CCSER1: variants seen among roughly 807,000 people sequenced by gnomAD.
CCSER1 encodes the protein serine-rich coiled-coil domain-containing protein 1.
In CCSER1, 41 loss-of-function variants were observed where a neutral mutation model predicts 82.0. The ratio of observed to expected loss-of-function variants is 0.50; its 90% CI spans 0.39 to 0.65. The LOEUF is 0.65. Ranked by LOEUF, CCSER1 falls within the 30% of genes least tolerant of loss-of-function variation. The pLI is 0.00. For synonymous variants in CCSER1, 414 were observed against 383.9 expected (o/e 1.08, Z -0.92); for missense variants, 1,119 against 1,064.2 (o/e 1.05, Z -0.72).
At chr4:90,210,648 C>T (rs1739804747) in intron 1 of CCSER1, among the ~76,000 whole-genome samples, 1 of 151,980 alleles carries the variant, frequency 6.6e-6, no homozygotes, top group Admixed American at 6.6e-5. Context: ...TCTCCCTATA[C>T]TTCCCAGGCT....
At position 91,037,941 on chromosome 4, in the gene CCSER1, T is replaced by A. The variant is rs189872432; in HGVS notation, c.2173-48009T>A. Among the ~76,000 whole-genome samples, 1,225 of 152,294 alleles carry A rather than the reference T, an allele frequency of 8.0e-3. 7 individuals are homozygous for A. The highest frequency in any genetic ancestry group is 9.6e-3 in the Non-Finnish European group (656 of 68,014). On this transcript the variant is annotated intron_variant, in intron 9 of 10. Coordinates refer to ENST00000509176, the MANE Select transcript of CCSER1 (RefSeq NM_001145065.2). The stretch of plus-strand genomic sequence containing the variant: ...TAGTAAAAATATGAAAAATTTTTTT[T>A]CTTAAACTATTCTGTATACATATCA...
At chr4:90,918,887 A>G (rs1181835201) in intron 8 of CCSER1, among the ~76,000 whole-genome samples, 3 of 151,816 alleles carry the variant, frequency 2.0e-5, no homozygotes, top group Non-Finnish European at 4.4e-5. Flanking sequence ...AAAGGATTTC[A>G]TGCCTTTTCA....
intron 8 of CCSER1, among the ~76,000 whole-genome samples, chr4:90,903,154 G>A (rs1165216397): frequency 6.6e-6 from 1 of 152,018 alleles, no homozygotes; most frequent in African/African-American, 2.4e-5. Flanking sequence ...ATATGGTTTG[G>A]CTGTGTCCCT....
At chr4:90,748,688 T>C (rs1417705915) in intron 7 of CCSER1, among the ~76,000 whole-genome samples, 2 of 146,596 alleles carry the variant, frequency 1.4e-5, no homozygotes, top group Non-Finnish European at 3.0e-5. Context: ...CCACATCCTC[T>C]CCAGCACCTG....
At chr4:90,915,143 G>C (rs1030250243) in intron 8 of CCSER1, among the ~76,000 whole-genome samples, 6 of 152,124 alleles carry the variant, frequency 3.9e-5, no homozygotes, top group African/African-American at 7.2e-5. Flanking sequence ...GAAAAAGAGG[G>C]AATCCTCCCT....
At chr4:91,183,723 G>GA (rs1462866016) in intron 10 of CCSER1, among the ~76,000 whole-genome samples, 1 of 152,138 alleles carries the variant, frequency 6.6e-6, no homozygotes, top group Non-Finnish European at 1.5e-5. Context: ...ATGCTGAGTT[G>GA]AAAAAATTAG....
At chr4:91,030,752 A>T (rs971753399) in intron 9 of CCSER1, among the ~76,000 whole-genome samples, 1 of 152,066 alleles carries the variant, frequency 6.6e-6, no homozygotes, top group Admixed American at 6.6e-5. Context: ...AAAAAAAAGA[A>T]CCAAATGGAG....
chr4:90,825,572 G>A (rs75411829), intron 8 of CCSER1, among the ~76,000 whole-genome samples: 9,041 of 151,944 alleles, frequency 0.06, 525 homozygotes, highest in African/African-American at 0.16. Context: ...TAACTGGGCC[G>A]TCAAAAACAA....
chr4:90,940,788 A>T (rs1731498672), intron 9 of CCSER1, among the ~76,000 whole-genome samples: 1 of 152,142 alleles, frequency 6.6e-6, no homozygotes, highest in African/African-American at 2.4e-5. Flanking sequence ...AAATAAAGAA[A>T]CTAAAATTTG....
At chr4:91,040,596 A>C (rs184244675) in intron 9 of CCSER1, among the ~76,000 whole-genome samples, 1 of 152,344 alleles carries the variant, frequency 6.6e-6, no homozygotes, top group Admixed American at 6.5e-5. Flanking sequence ...TTTGCACAAA[A>C]GATGTGCAAG....
intron 10 of CCSER1, among the ~76,000 whole-genome samples, chr4:91,138,238 A>C (rs1466167407): frequency 4.0e-4 from 14 of 35,396 alleles, no homozygotes; most frequent in East Asian, 1.6e-3. Flanking sequence ...CAAAACAGAG[A>C]TATAGATCAA....
intron 5 of CCSER1, among the ~76,000 whole-genome samples, chr4:90,472,082 A>T (rs1764485168): frequency 6.6e-6 from 1 of 152,156 alleles, no homozygotes; most frequent in Admixed American, 6.6e-5. Context: ...TTAATTTTGG[A>T]TGGAATTACT....
At chr4:91,111,106 A>G (rs1366533030) in intron 10 of CCSER1, among the ~76,000 whole-genome samples, 3 of 151,950 alleles carry the variant, frequency 2.0e-5, no homozygotes, top group Non-Finnish European at 4.4e-5. Context: ...TAATTTGACA[A>G]GTTTCATAAT....
chr4:91,491,851 A>C (rs1426278008), intron 10 of CCSER1, among the ~76,000 whole-genome samples: 2 of 152,118 alleles, frequency 1.3e-5, no homozygotes, highest in East Asian at 3.9e-4. Context: ...AATTACTTAC[A>C]ATTCTTCATG....
At chr4:91,478,556 A>G (rs186932890) in intron 10 of CCSER1, among the ~76,000 whole-genome samples, 169 of 152,122 alleles carry the variant, frequency 1.1e-3, no homozygotes, top group African/African-American at 3.8e-3. Flanking sequence ...AGGCAAATGT[A>G]TTAAATTCTA....
chr4:90,518,580 A>T (rs1772608271), intron 5 of CCSER1, among the ~76,000 whole-genome samples: 1 of 151,988 alleles, frequency 6.6e-6, no homozygotes, highest in Non-Finnish European at 1.5e-5. Flanking sequence ...AGGGTGAAGC[A>T]CCTTTCAGTT....
intron 7 of CCSER1, among the ~76,000 whole-genome samples, chr4:90,759,217 G>A (rs1479983690): frequency 6.6e-6 from 1 of 152,082 alleles, no homozygotes; most frequent in Non-Finnish European, 1.5e-5. Flanking sequence ...TTATGACACA[G>A]CATTGGAATG....
chr4:91,161,729 C>T (rs929983615), intron 10 of CCSER1, among the ~76,000 whole-genome samples: 17 of 151,982 alleles, frequency 1.1e-4, no homozygotes, highest in East Asian at 1.9e-4. Flanking sequence ...TGTAGGAATG[C>T]GTGTGATTTT....
chr4:91,369,597 G>A (rs745964958), intron 10 of CCSER1, among the ~76,000 whole-genome samples: 4 of 148,022 alleles, frequency 2.7e-5, no homozygotes, highest in Non-Finnish European at 1.5e-5. Context: ...ATAGAAGATT[G>A]ACTATCAATT....
Sources: allele counts gnomAD v4.1 joint callset (sites outside exome capture counted in the v4.1 genomes callset), GRCh38; gene constraint gnomAD v4.1.1; transcripts MANE v1.5; gene names NCBI Gene and HGNC (gene_info 2026-07-23, HGNC 2026-07-21).